TENT2: variants seen among roughly 807,000 people sequenced by gnomAD.
TENT2 encodes the protein terminal nucleotidyltransferase 2.
In TENT2, 44 loss-of-function variants were observed where a neutral mutation model predicts 72.2. That is an observed-to-expected ratio of 0.61 (90% CI 0.48 to 0.78). The LOEUF is 0.78. TENT2 is among the 30% of genes least tolerant of loss of function. TENT2 has a pLI of 0.00. For missense variants in TENT2, 541 were observed against 569.6 expected (o/e 0.95, Z 0.51); for synonymous variants, 212 against 192.5 (o/e 1.10, Z -0.84).
rs767646307 is a variant in TENT2, at chr5:79,612,908, A to G, written c.-205A>G. 2.6e-5 allele frequency: 4 copies of G among 152,100 alleles called. No homozygotes were observed. The highest frequency in any genetic ancestry group is 5.9e-5 in the Non-Finnish European group (4 of 68,046). The allele number at this position is 152,100 out of a possible 1,614,324, so 9.4% of individuals were successfully genotyped here. On this transcript the variant is annotated 5_prime_UTR_variant, in exon 1 of 15. The change abolishes an upstream ATG in the 5' untranslated region. Transcript: ENST00000453514. ...AGTATCTCTTGGTTATTCCAAATTT[A>G]TGGGCGGCATCTGGGCTGCTGTACA...
At position 79,645,206 on chromosome 5, in the gene TENT2, G is replaced by A; in HGVS notation, c.821+14G>A. 6.3e-7 allele frequency: 1 copy of A among 1,593,208 alleles called. No homozygotes were observed. Among genetic ancestry groups the A allele is most frequent in the Non-Finnish European group, 8.5e-7 (1 of 1,170,792 alleles). On this transcript the variant is annotated intron_variant, in intron 8 of 14. Transcript: ENST00000453514. ...GGATAAAGTCAGGTAAATAATTAAT[G>A]AGCTTTCTTTTTTTAGTTCCTTTAG...
intron 1 of TENT2, chr5:79,613,940 T>C (rs1027509755): frequency 1.3e-5 from 2 of 152,148 alleles, no homozygotes; most frequent in East Asian, 3.9e-4. Flanking sequence ...TCTAGGTATA[T>C]TCTGCTTTCT....
chr5:79,660,759 T>G (rs1802217123), intron 11 of TENT2, among the ~76,000 whole-genome samples: 1 of 152,200 alleles, frequency 6.6e-6, no homozygotes, highest in South Asian at 2.1e-4. Context: ...GTACTCTTTA[T>G]GCTTATTTAA....
intron 1 of TENT2, among the ~76,000 whole-genome samples, chr5:79,614,756 G>A (rs1758207833): frequency 6.6e-6 from 1 of 152,140 alleles, no homozygotes; most frequent in African/African-American, 2.4e-5. Context: ...TTCTGTTACA[G>A]TAATAGTTTT....
intron 10 of TENT2, among the ~76,000 whole-genome samples, chr5:79,655,214 A>G (rs995299246): frequency 1.3e-5 from 2 of 152,136 alleles, no homozygotes; most frequent in African/African-American, 4.8e-5. Context: ...GCAGTACACT[A>G]ATTGCTTCTC....
chr5:79,629,010 C>T (rs1772818475), intron 4 of TENT2, among the ~76,000 whole-genome samples: 1 of 152,132 alleles, frequency 6.6e-6, no homozygotes, highest in African/African-American at 2.4e-5. Flanking sequence ...AGCTCTGAGT[C>T]AGTGAGGCTG....
chr5:79,646,108 T>C (rs2150074629), intron 8 of TENT2, among the ~76,000 whole-genome samples: 1 of 152,258 alleles, frequency 6.6e-6, no homozygotes, highest in African/African-American at 2.4e-5. Context: ...ATTAATGCCA[T>C]ATTTTTCACA....
Position 79,623,267 on chromosome 5 carries a change from A to T in TENT2, c.243A>T (p.Glu81Asp). ...TTGTTTTCAGGAGATTAAGCGATGA[A>T]AAAAACCTTCCTCTTGACGGTAAAC... ...LFRGRKRLSD[E>D]KNLPLDGKRQ... The change falls in exon 4 of 15, where the codon GAA becomes GAT. Residue 81 changes from glutamate to aspartate, a missense_variant. By Grantham distance (45) the Glu-to-Asp change is conservative. Coordinates refer to ENST00000453514, the MANE Select transcript of TENT2 (RefSeq NM_001114394.3). The T allele has an allele frequency of 6.2e-7, 1 of 1,612,150 alleles. No homozygotes were observed. Among genetic ancestry groups the T allele is most frequent in the Non-Finnish European group, 8.5e-7 (1 of 1,179,108 alleles).
chr5:79,672,488 A>G (rs995863999), intron 12 of TENT2, among the ~76,000 whole-genome samples: 2 of 152,154 alleles, frequency 1.3e-5, no homozygotes, highest in African/African-American at 2.4e-5. Flanking sequence ...TCTGGTAACC[A>G]TCATTCTAGT....
chr5:79,635,505 T>C (rs1484343367), intron 4 of TENT2, among the ~76,000 whole-genome samples: 1 of 152,208 alleles, frequency 6.6e-6, no homozygotes, highest in Non-Finnish European at 1.5e-5. Context: ...AACAAGGTCA[T>C]TCAGATGAAA....
chr5:79,674,315 G>A (rs1422991832), intron 12 of TENT2, among the ~76,000 whole-genome samples: 3 of 152,188 alleles, frequency 2.0e-5, no homozygotes, highest in Admixed American at 6.5e-5. Flanking sequence ...TCAGGAGTTG[G>A]AGGTTGCAGT....
chr5:79,638,863 A>G (rs144192276), intron 4 of TENT2, among the ~76,000 whole-genome samples: 27 of 152,232 alleles, frequency 1.8e-4, no homozygotes, highest in African/African-American at 6.5e-4. Context: ...GTATTCAGAG[A>G]TTTAAAAAAA....
intron 11 of TENT2, among the ~76,000 whole-genome samples, chr5:79,665,552 A>AT (rs1196025516): frequency 1.3e-5 from 2 of 152,030 alleles, no homozygotes; most frequent in African/African-American, 2.4e-5. Context: ...TTTCTATTTA[A>AT]TTTTTTTTAA....
intron 3 of TENT2, 100 bp downstream of exon 3, chr5:79,620,183 G>A (rs1023134840): frequency 4.1e-5 from 32 of 774,236 alleles, no homozygotes; most frequent in African/African-American, 1.8e-4. Flanking sequence ...TAAGCCCTAT[G>A]TTTTGTTTTC....
intron 11 of TENT2, chr5:79,668,683 G>C: frequency 2.0e-6 from 1 of 497,968 alleles, no homozygotes; most frequent in Non-Finnish European, 3.6e-6. Context: ...TCAAGCCAAG[G>C]ATTAGAATGT....
intron 12 of TENT2, among the ~76,000 whole-genome samples, chr5:79,677,076 A>G (rs1817845243): frequency 6.6e-6 from 1 of 152,214 alleles, no homozygotes; most frequent in South Asian, 2.1e-4. Flanking sequence ...AAAATATATA[A>G]CTAAATCTAC....
intron 12 of TENT2, among the ~76,000 whole-genome samples, chr5:79,673,838 G>A (rs1338083233): frequency 6.6e-6 from 1 of 151,968 alleles, no homozygotes; most frequent in African/African-American, 2.4e-5. Context: ...CAGGTAGATG[G>A]TATTTAACGC....
chr5:79,677,949 A>G (rs1313947968), intron 12 of TENT2, among the ~76,000 whole-genome samples: 1 of 152,130 alleles, frequency 6.6e-6, no homozygotes, highest in African/African-American at 2.4e-5. Context: ...TATAGGCGCC[A>G]CCACGCCTGC....
chr5:79,668,565 A>G (rs1033087293), intron 11 of TENT2, among the ~76,000 whole-genome samples: 1 of 152,154 alleles, frequency 6.6e-6, no homozygotes, highest in Non-Finnish European at 1.5e-5. Context: ...CTTTGTGAAG[A>G]AATCTATATG....
Sources: gnomAD v4.1 joint callset for allele counts (sites outside exome capture counted in the v4.1 genomes callset) on GRCh38, gnomAD v4.1.1 for gene constraint, MANE v1.5 for transcripts, NCBI Gene and HGNC (gene_info 2026-07-23, HGNC 2026-07-21) for gene names.